POLE: variants seen among roughly 807,000 people sequenced by gnomAD.
POLE encodes the protein DNA polymerase epsilon catalytic subunit A.
A neutral mutation model predicts 279.2 loss-of-function variants in POLE; 188 were observed. That is an observed-to-expected ratio of 0.67 (90% confidence interval 0.60 to 0.76). POLE has a LOEUF of 0.76. POLE is among the 30% of genes least tolerant of loss of function. POLE has a pLI of 0.00. For missense variants in POLE, 2,703 were observed against 3,016.7 expected (o/e 0.90, Z 2.44); for synonymous variants, 1,214 against 1,172.5 (o/e 1.04, Z -0.72).
In POLE at chr12:132,677,586, T is replaced by A. The variant is rs536684123; in HGVS notation, c.712A>T (p.Ile238Phe). 41 of 1,614,182 alleles carry A rather than the reference T, an allele frequency of 2.5e-5. 1 individual carries two copies. The East Asian group carries it at 3.6e-4, about 14-fold the overall frequency. The change falls in exon 7 of 49, where the codon ATC (isoleucine) becomes TTC (phenylalanine). Residue 238 changes from isoleucine (I) to phenylalanine (F), a missense_variant. Ile to Phe is a conservative substitution (Grantham distance 21). Around this residue, in one of 5 missense-constraint regions of POLE, gnomAD observed 1,011 missense variants for 1,111.7 expected, o/e 0.91. Transcript: ENST00000320574. ...YHIRLSIDLK[I>F]HVAHWYNVRY... Reference sequence around the variant, plus strand: ...AACCCTGCCCCACTCACCACGTGGATCTTCAGGTCAATGGAGAGGCGGATG... The same window carrying A: ...AACCCTGCCCCACTCACCACGTGGAACTTCAGGTCAATGGAGAGGCGGATG...
rs762140242 is a variant in POLE, at chr12:132,649,669, T to TCACCA, written c.3795+7_3795+8insTGGTG. On this transcript the variant is annotated splice_region_variant and intron_variant, in intron 30 of 48. Transcript: ENST00000320574. ...AGAGACAGACAGTATCACAGCTGTG[T>TCACCA]GCCTTACCTGGCTGGTTCCCAGGGC... The TCACCA allele has an allele frequency of 2.5e-6, 4 of 1,613,466 alleles. No homozygotes were observed. In the Admixed American group the frequency reaches 5.0e-5, roughly 20 times the overall value.
chr12:132,636,704 A>G (rs1157986867), intron 41 of POLE, among the ~76,000 whole-genome samples: 2 of 152,192 alleles, frequency 1.3e-5, no homozygotes, highest in Admixed American at 1.3e-4. Flanking sequence ...GCAGTGAGCC[A>G]TGACTGCACC....
rs2135998024 is a variant in POLE at position 132,673,472 on chromosome 12, C to T, written c.1359+103G>A. On this transcript the variant is annotated intron_variant, in intron 13 of 48. Coordinates refer to ENST00000320574, the MANE Select transcript of POLE (RefSeq NM_006231.4). ...GGCTGGCATACATGCGTGCACACGG[C>T]AGCAGGGGGAGCCGGGATGTGGCTC... 2.0e-6 allele frequency: 3 copies of T among 1,524,134 alleles called. No individual in the cohort carries two copies. The South Asian group carries it at 3.6e-5, about 18-fold the overall frequency. The allele number at this position is 1,524,134 out of a possible 1,614,324, so 94.4% of individuals were successfully genotyped here. A position where few individuals can be genotyped will look rare whatever the true frequency, so the allele number is the denominator to read the frequency against.
At chr12:132,670,856 G>A (rs773274309) in intron 16 of POLE, among the ~76,000 whole-genome samples, 2 of 152,174 alleles carry the variant, frequency 1.3e-5, no homozygotes, top group Non-Finnish European at 2.9e-5. Context: ...GTTCATAAGA[G>A]TTCCCTGAAG....
intron 19 of POLE, 94 bp from the exon 20 acceptor site, chr12:132,667,742 G>A (rs1405443694): frequency 5.2e-6 from 7 of 1,338,554 alleles, no homozygotes; most frequent in East Asian, 2.3e-5. Flanking sequence ...TGGCTTCTAC[G>A]TCACCACAAA....
rs1313711311 is a variant in POLE at position 132,643,898 on chromosome 12, T to G, written c.4229A>C (p.His1410Pro). ...YSVPEDMYQE[H>P]INEINAELSA... is the part of the protein sequence containing the mutation. ...CAGCTCAGCGTTGATCTCGTTGATG[T>G]GTTCCTGGTACATGTCCTCTGGCAC... Residue 1410 changes from histidine (H) to proline (P), a missense_variant, in exon 33 of 49, where the codon CAC becomes CCC. Coordinates refer to ENST00000320574, the MANE Select transcript of POLE (RefSeq NM_006231.4). 4 of 1,614,192 alleles carry G rather than the reference T, an allele frequency of 2.5e-6. No individual in the cohort carries two copies. The highest frequency in any genetic ancestry group is 1.7e-5 in the Admixed American group (1 of 60,030).
chr12:132,681,236 C>G lies in POLE; in HGVS notation c.106G>C (p.Glu36Gln), dbSNP rs370268888. 55 of 1,614,112 alleles carry G rather than the reference C, an allele frequency of 3.4e-5. No homozygotes were observed. The highest frequency in any genetic ancestry group is 4.7e-5 in the Non-Finnish European group (55 of 1,180,042). Residue 36 changes from glutamate (E) to glutamine (Q), a missense_variant, in exon 2 of 49, where the codon GAA (glutamate) becomes CAA (glutamine). Glu to Gln is a conservative substitution (Grantham distance 29). Coordinates refer to ENST00000320574, the MANE Select transcript of POLE (RefSeq NM_006231.4). ...TSSVSALKRL[E>Q]RSQWTDKMDL... ...ATCTTATCCGTCCACTGACTCCGTTCCAGGCGCTTGAGTGCCGAAACTGAG... is the reference window on the plus strand; with the variant it reads ...ATCTTATCCGTCCACTGACTCCGTTGCAGGCGCTTGAGTGCCGAAACTGAG...
Position 132,675,325 on chromosome 12 carries a change from C to T in POLE, c.1226+73G>A. On this transcript the variant is annotated intron_variant, in intron 12 of 48. Transcript: ENST00000320574. This position sits in a 1 kb window ranked among gnomAD's most constrained non-coding sequence, Gnocchi z 4.3. ...CTCCTCCCATGAGATGTGGTGACAG[C>T]ACAGTCTGCAAGAGGCCTTCAGATC... The T allele has an allele frequency of 6.4e-7, 1 of 1,562,144 alleles. No individual in the cohort carries two copies. Among genetic ancestry groups the T allele is most frequent in the Non-Finnish European group, 8.7e-7 (1 of 1,151,786 alleles).
intron 25 of POLE, chr12:132,660,450 A>T (rs979453713): frequency 1.3e-5 from 2 of 152,436 alleles, no homozygotes; most frequent in African/African-American, 4.8e-5. Context: ...GTGCCTGGGA[A>T]ACATATGCAC....
intron 45 of POLE, among the ~76,000 whole-genome samples, chr12:132,628,285 A>G (rs2041873846): frequency 6.6e-6 from 1 of 152,028 alleles, no homozygotes; most frequent in Non-Finnish European, 1.5e-5. Context: ...GCTTGCAGTG[A>G]GCCAAGATCG....
chr12:132,650,818 T>A (rs2042406001), intron 29 of POLE: 1 of 151,844 alleles, frequency 6.6e-6, no homozygotes, highest in Non-Finnish European at 1.5e-5. Context: ...GCCACAGCTG[T>A]AAGTTTTAAC....
chr12:132,653,476 T>A (rs1012119877), intron 29 of POLE, among the ~76,000 whole-genome samples: 11 of 152,250 alleles, frequency 7.2e-5, no homozygotes, highest in African/African-American at 2.7e-4. Context: ...GTAAATGGTA[T>A]CTTTCAAAAA....
chr12:132,678,472 G>A (rs2043105316), intron 6 of POLE, among the ~76,000 whole-genome samples: 1 of 151,878 alleles, frequency 6.6e-6, no homozygotes, highest in African/African-American at 2.4e-5. Context: ...AGTTACTCAG[G>A]AGGCTGAGGT....
rs1242503528 is a variant in POLE, at chr12:132,661,590, T to A, written c.2801A>T (p.Asp934Val). The A allele has an allele frequency of 6.2e-7, 1 of 1,614,206 alleles. No individual in the cohort carries two copies. Among genetic ancestry groups the A allele is most frequent in the Non-Finnish European group, 8.5e-7 (1 of 1,180,030 alleles). The change falls in exon 24 of 49, where the codon GAT becomes GTT. Residue 934 changes from aspartate to valine, a missense_variant. Physicochemically the swap from Asp to Val is radical, Grantham distance 152 (BLOSUM62 -3). This residue lies in a region of POLE where 101 missense variants were observed against 115.4 expected (regional missense o/e 0.87). Transcript: ENST00000320574. This position sits in a 1 kb window ranked among gnomAD's most constrained non-coding sequence, Gnocchi z 4.1. Reference protein sequence around the residue: ...RSENSIFFEVDGPYLAMILPA... With the variant: ...RSENSIFFEVVGPYLAMILPA... ...AAGAATCATGGCAAGGTAGGGCCCA[T>A]CAACCTCAAAAAAGATGCTGTTCTC...
chr12:132,683,495 G>A (rs1336529593), intron 1 of POLE, among the ~76,000 whole-genome samples: 2 of 152,158 alleles, frequency 1.3e-5, no homozygotes, highest in Admixed American at 6.5e-5. Context: ...TAGTCACTAA[G>A]TGATCATGTG....
chr12:132,661,819 G>T lies in POLE; in HGVS notation c.2707-135C>A. On this transcript the variant is annotated intron_variant, in intron 23 of 48. Transcript: ENST00000320574. This position sits in a 1 kb window ranked among gnomAD's most constrained non-coding sequence, Gnocchi z 4.1. ...CATAACTAACACGACTTGGCAGCAG[G>T]AAGGAAGGAAGTTCTGATGCATGCA... 1 of 849,102 alleles carries T rather than the reference G, an allele frequency of 1.2e-6. No homozygotes were observed. The highest frequency in any genetic ancestry group is 1.8e-6 in the Non-Finnish European group (1 of 548,808). 52.6% of individuals were successfully genotyped at this position (849,102 alleles called of 1,614,324 possible). A position where few individuals can be genotyped will look rare whatever the true frequency, so the allele number is the denominator to read the frequency against.
chr12:132,660,441 T>G (rs917999614), intron 25 of POLE: 14 of 152,552 alleles, frequency 9.2e-5, no homozygotes, highest in African/African-American at 3.4e-4. Flanking sequence ...AAGACGCCTG[T>G]GCCTGGGAAA....
chr12:132,671,538 G>A (rs543489244), intron 16 of POLE, among the ~76,000 whole-genome samples: 5 of 151,370 alleles, frequency 3.3e-5, no homozygotes, highest in South Asian at 4.2e-4. Context: ...GTGTGGTGGC[G>A]GATGCCTGTA....
At chr12:132,632,567 C>T (rs977043851) in intron 44 of POLE, 59 bp from the exon 45 acceptor site, 6 of 1,606,938 alleles carry the variant, frequency 3.7e-6, no homozygotes, top group African/African-American at 1.3e-5. Flanking sequence ...TGGGGACCTC[C>T]CACCTGGGGG....
Sources: gnomAD v4.1 joint callset for allele counts (sites outside exome capture counted in the v4.1 genomes callset) on GRCh38, gnomAD v4.1.1 for gene constraint, gnomAD v4.1.1 regional missense constraint, Gnocchi (gnomAD v3.1) non-coding constraint, MANE v1.5 for transcripts, NCBI Gene and HGNC (gene_info 2026-07-23, HGNC 2026-07-21) for gene names.